Variants in SLC30A6 observed in about 807,000 individuals in gnomAD.
The protein encoded by SLC30A6 is zinc transporter 6.
SLC30A6 carries 55 observed loss-of-function variants against 63.0 expected under a neutral mutation model. That is an observed-to-expected ratio of 0.87 (90% CI 0.70 to 1.09). The LOEUF is 1.09. SLC30A6 is among the 50% of genes least tolerant of loss of function. SLC30A6 has a pLI of 0.00. For synonymous variants in SLC30A6, 224 were observed against 186.1 expected (o/e 1.20, Z -1.66); for missense variants, 587 against 549.2 (o/e 1.07, Z -0.69).
intron 8 of SLC30A6, among the ~76,000 whole-genome samples, chr2:32,196,930 C>T (rs1422616778): frequency 6.6e-6 from 1 of 152,032 alleles, no homozygotes; most frequent in Admixed American, 6.5e-5. Flanking sequence ...TGTGGTGGCA[C>T]GTGCCTGTAA....
At chr2:32,167,910 T>TA (rs1159446130) in intron 1 of SLC30A6, among the ~76,000 whole-genome samples, 3 of 152,244 alleles carry the variant, frequency 2.0e-5, no homozygotes, top group African/African-American at 7.2e-5. Flanking sequence ...CAGACGATGT[T>TA]AAAGTTGTGT....
chr2:32,196,498 G>A (rs1305396570), intron 8 of SLC30A6, among the ~76,000 whole-genome samples: 1 of 152,102 alleles, frequency 6.6e-6, no homozygotes, highest in Non-Finnish European at 1.5e-5. Flanking sequence ...GAATTAATTT[G>A]TATGTAGTTT....
chr2:32,217,963 G>A (rs1021426813), intron 13 of SLC30A6, among the ~76,000 whole-genome samples: 7 of 151,970 alleles, frequency 4.6e-5, no homozygotes, highest in East Asian at 3.9e-4. Context: ...AGCCTCCTGC[G>A]TAGCTGAGTA....
chr2:32,218,081 T>G (rs1160014881), intron 13 of SLC30A6, among the ~76,000 whole-genome samples: 1 of 151,972 alleles, frequency 6.6e-6, no homozygotes, highest in South Asian at 2.1e-4. Context: ...GTGTGTGTGT[T>G]TGTGTTAACC....
chr2:32,174,167 T>C lies in SLC30A6; in HGVS notation c.175+20T>C, dbSNP rs1305116953. 2 of 1,570,046 alleles carry C rather than the reference T, an allele frequency of 1.3e-6. No individual in the cohort carries two copies. The highest frequency in any genetic ancestry group is 2.2e-5 in the East Asian group (1 of 44,592). ...GTATAGGTATGTCACCTTTGTATTT[T>C]TATGGAGTTGTTATTTTTACTTTTA... On this transcript the variant is annotated intron_variant, in intron 3 of 13. Coordinates refer to ENST00000282587, the MANE Select transcript of SLC30A6 (RefSeq NM_017964.5).
chr2:32,173,108 G>A (rs541367514), intron 2 of SLC30A6, among the ~76,000 whole-genome samples: 67 of 152,102 alleles, frequency 4.4e-4, no homozygotes, highest in Non-Finnish European at 8.4e-4. Flanking sequence ...TTCTTGCATC[G>A]TAATTACATG....
At chr2:32,210,034 A>G (rs981843840) in intron 13 of SLC30A6, among the ~76,000 whole-genome samples, 5 of 152,210 alleles carry the variant, frequency 3.3e-5, no homozygotes, top group African/African-American at 1.2e-4. Flanking sequence ...TTGCTTCAGC[A>G]TAAAATTTCG....
At chr2:32,209,421 C>A in intron 12 of SLC30A6, 72 bp from the exon 13 acceptor site, 1 of 1,211,166 alleles carries the variant, frequency 8.3e-7, no homozygotes, top group South Asian at 1.4e-5. Context: ...AAACTAAGTC[C>A]ATAATGTGAC....
chr2:32,208,782 G>A (rs1685007740), intron 12 of SLC30A6, among the ~76,000 whole-genome samples: 1 of 152,122 alleles, frequency 6.6e-6, no homozygotes, highest in African/African-American at 2.4e-5. Flanking sequence ...CCAAAGTACT[G>A]GAATTGCAGA....
At chr2:32,193,740 A>G in intron 7 of SLC30A6, 149 bp from the exon 8 acceptor site, 1 of 603,220 alleles carries the variant, frequency 1.7e-6, no homozygotes. Context: ...TGGGGCTAGT[A>G]ACTAAGTTCA....
At chr2:32,193,033 T>G (rs878867136) in intron 7 of SLC30A6, 80 bp downstream of exon 7, 10 of 892,314 alleles carry the variant, frequency 1.1e-5, no homozygotes, top group Middle Eastern at 3.2e-4. Flanking sequence ...TTGGCCAATG[T>G]CAGATTTCAG....
In SLC30A6 at chr2:32,193,878, G is replaced by T; in HGVS notation, c.402-11G>T. 6.2e-7 allele frequency: 1 copy of T among 1,603,444 alleles called. No individual in the cohort carries two copies. Among genetic ancestry groups the T allele is most frequent in the Non-Finnish European group, 8.5e-7 (1 of 1,171,340 alleles). On this transcript the variant is annotated splice_polypyrimidine_tract_variant and intron_variant, in intron 7 of 13. Coordinates refer to ENST00000282587, the MANE Select transcript of SLC30A6 (RefSeq NM_017964.5). ...CAAATTAAAGGTGAATGTTATCGTT[G>T]TTCTTTTTAGGGGAAGATTATTAGT...
At chr2:32,176,063 A>G (rs1681710180) in intron 4 of SLC30A6, among the ~76,000 whole-genome samples, 1 of 152,180 alleles carries the variant, frequency 6.6e-6, no homozygotes, top group Admixed American at 6.5e-5. Context: ...CTGAGAAGAT[A>G]TTTGTAATTC....
chr2:32,185,540 T>A (rs1031016653), intron 5 of SLC30A6, among the ~76,000 whole-genome samples: 1 of 152,102 alleles, frequency 6.6e-6, no homozygotes, highest in African/African-American at 2.4e-5. Flanking sequence ...GTAAAGAAAC[T>A]TTTGGACCAA....
rs1473979318 is a variant in SLC30A6 at position 32,222,414 on chromosome 2, A to G, written c.*1701A>G. 3 of 152,180 alleles carry G rather than the reference A, an allele frequency of 2.0e-5. No homozygotes were observed. Among genetic ancestry groups the G allele is most frequent in the Non-Finnish European group, 4.4e-5 (3 of 68,034 alleles). The allele number at this position is 152,180 out of a possible 1,614,324, so 9.4% of individuals were successfully genotyped here. A position where few individuals can be genotyped will look rare whatever the true frequency, so the allele number is the denominator to read the frequency against. On this transcript the variant is annotated 3_prime_UTR_variant, in exon 14 of 14. Coordinates refer to ENST00000282587, the MANE Select transcript of SLC30A6 (RefSeq NM_017964.5). The stretch of plus-strand genomic sequence containing the variant: ...AAGATTTTTGTTTTTCTTTTGCAAC[A>G]GTTTCTTCAGTCAACTCATTCACTT...
chr2:32,183,963 A>C (rs951916866), intron 4 of SLC30A6, among the ~76,000 whole-genome samples: 2 of 152,168 alleles, frequency 1.3e-5, no homozygotes, highest in African/African-American at 4.8e-5. Flanking sequence ...GAAACCATTT[A>C]GGGTGAATAA....
intron 1 of SLC30A6, among the ~76,000 whole-genome samples, chr2:32,169,161 G>A (rs1573219496): frequency 6.6e-6 from 1 of 151,834 alleles, no homozygotes; most frequent in African/African-American, 2.4e-5. Context: ...TTATACATAT[G>A]TACATTTATT....
rs1686213052 is a variant in SLC30A6 at position 32,222,821 on chromosome 2, A to T, written c.*2108A>T. 6.6e-6 allele frequency: 1 copy of T among 152,234 alleles called. No individual in the cohort carries two copies. Among genetic ancestry groups the T allele is most frequent in the Non-Finnish European group, 1.5e-5 (1 of 68,076 alleles). The allele number at this position is 152,234 out of a possible 1,614,324, so 9.4% of individuals were successfully genotyped here. A position where few individuals can be genotyped will look rare whatever the true frequency, so the allele number is the denominator to read the frequency against. On this transcript the variant is annotated 3_prime_UTR_variant, in exon 14 of 14. Coordinates refer to ENST00000282587, the MANE Select transcript of SLC30A6 (RefSeq NM_017964.5). ...AATATGAATTAGGGTCATGCATGAA[A>T]TCTGAACTGCCGTGTCCTGAGTTAT...
Position 32,224,071 on chromosome 2 carries a change from T to C in SLC30A6, c.*3358T>C, listed in dbSNP as rs2148926498. On this transcript the variant is annotated 3_prime_UTR_variant, in exon 14 of 14. Coordinates refer to ENST00000282587, the MANE Select transcript of SLC30A6 (RefSeq NM_017964.5). ...ATTCCAGATTGCTTGAATTAAACTGTTTGGATTAAAGAACATATATGGAGT... is the reference window on the plus strand; with the variant it reads ...ATTCCAGATTGCTTGAATTAAACTGCTTGGATTAAAGAACATATATGGAGT... 6.5e-6 allele frequency: 1 copy of C among 154,640 alleles called. No homozygotes were observed. The highest frequency in any genetic ancestry group is 1.9e-4 in the East Asian group (1 of 5,304). 9.6% of individuals were successfully genotyped at this position (154,640 alleles called of 1,614,324 possible).
Sources: gnomAD v4.1 joint callset for allele counts (sites outside exome capture counted in the v4.1 genomes callset) on GRCh38, gnomAD v4.1.1 for gene constraint, MANE v1.5 for transcripts, NCBI Gene and HGNC (gene_info 2026-07-23, HGNC 2026-07-21) for gene names.